The following TUBGCP2 variants were observed in gnomAD, a reference collection of about 807,000 sequenced individuals.
The protein encoded by TUBGCP2 is tubulin gamma complex component 2.
A neutral mutation model predicts 92.2 loss-of-function variants in TUBGCP2; 55 were observed. That is an observed-to-expected ratio of 0.60 (90% CI 0.48 to 0.75). TUBGCP2 has a LOEUF of 0.75. Among genes scored for constraint, TUBGCP2 ranks in the 30% least tolerant of loss-of-function variants. TUBGCP2 has a pLI of 0.00. For synonymous variants in TUBGCP2, 533 were observed against 505.2 expected, an observed-to-expected ratio of 1.06 and a Z score of -0.74; for missense variants, 1,093 against 1,188.9, an observed-to-expected ratio of 0.92 and a Z score of 1.19.
chr10:133,311,663 A>G (rs536073236), upstream of TUBGCP2: 3 of 1,475,532 alleles, frequency 2.0e-6, no homozygotes, highest in East Asian at 4.6e-5. Context: ...TCTGGGGAAC[A>G]CAGGGGCTGT....
chr10:133,285,342 G>A lies in TUBGCP2; in HGVS notation c.1895+114C>T, dbSNP rs774082371. 24 of 1,586,672 alleles carry A rather than the reference G, an allele frequency of 1.5e-5. No individual in the cohort carries two copies. In the African/African-American group the frequency reaches 2.4e-4, roughly 16 times the overall value. ...GTGAATCTCTCGGACACTGAAGGCC[G>A]GGGAGAGCCGCCTTGGGTCCTCTGT... On this transcript the variant is annotated intron_variant, in intron 12 of 17. Coordinates refer to ENST00000252936, the MANE Select transcript of TUBGCP2 (RefSeq NM_006659.4). The surrounding 1 kb of genome is among the most constrained non-coding windows in gnomAD (Gnocchi z 6.8).
At chr10:133,284,690 A>T (rs1209133918) in intron 13 of TUBGCP2, among the ~76,000 whole-genome samples, 1 of 151,354 alleles carries the variant, frequency 6.6e-6, no homozygotes, top group Non-Finnish European at 1.5e-5. Flanking sequence ...TCTGCCATCG[A>T]CCCCTTTTTT....
chr10:133,302,464 C>A (rs560511779), intron 2 of TUBGCP2: 13 of 346,540 alleles, frequency 3.8e-5, no homozygotes, highest in South Asian at 1.7e-4. Flanking sequence ...CTGCCCCCTG[C>A]ACCAGAGGTG....
chr10:133,310,446 A>T, upstream of TUBGCP2: 2 of 965,428 alleles, frequency 2.1e-6, no homozygotes, highest in Non-Finnish European at 3.0e-6. Context: ...ACACAGCTAC[A>T]GGTGGTTGTG....
At chr10:133,286,262 C>T (rs186127359) in intron 11 of TUBGCP2, among the ~76,000 whole-genome samples, 2 of 152,240 alleles carry the variant, frequency 1.3e-5, no homozygotes, top group East Asian at 1.9e-4. Context: ...CAGACAGCAG[C>T]GTCCTGAGAC....
chr10:133,309,259 GT>G (rs1250155310), upstream of TUBGCP2: 1 of 1,337,260 alleles, frequency 7.5e-7, no homozygotes, highest in Non-Finnish European at 1.0e-6. Flanking sequence ...GGAACGTGGA[GT>G]GGGCGGGGCC....
At position 133,285,127 on chromosome 10, in the gene TUBGCP2, C is replaced by T; in HGVS notation, c.1982G>A (p.Ser661Asn). Reference sequence around the variant, plus strand: ...CGAGTGCTGCTTGGCGGTTTTGTTGCTGATCCAGACGCTGCAGAGCTGCCG... The same window carrying T: ...CGAGTGCTGCTTGGCGGTTTTGTTGTTGATCCAGACGCTGCAGAGCTGCCG... Reference protein sequence around the residue: ...VERQLCSVWISNKTAKQHSLH... With the variant: ...VERQLCSVWINNKTAKQHSLH... Residue 661 changes from serine to asparagine, a missense_variant, in exon 13 of 18, where the codon AGC becomes AAC. Around this residue, in one of 3 missense-constraint regions of TUBGCP2, gnomAD observed 598 missense variants for 675.5 expected, o/e 0.89. Coordinates refer to ENST00000252936, the MANE Select transcript of TUBGCP2 (RefSeq NM_006659.4). This position sits in a 1 kb window ranked among gnomAD's most constrained non-coding sequence, Gnocchi z 6.8. 1 of 1,611,700 alleles carries T rather than the reference C, an allele frequency of 6.2e-7. No individual in the cohort carries two copies. The highest frequency in any genetic ancestry group is 8.5e-7 in the Non-Finnish European group (1 of 1,178,378).
At position 133,278,939 on chromosome 10, in the gene TUBGCP2, C is replaced by A. The variant is rs946037530; in HGVS notation, c.*827G>T. On this transcript the variant is annotated 3_prime_UTR_variant, in exon 18 of 18. Coordinates refer to ENST00000252936, the MANE Select transcript of TUBGCP2 (RefSeq NM_006659.4). ...AGGGGCAGCTTGGCCAGAATGTAAC[C>A]AGAGCAGACCAACCTGGCCGGGCAG... is the stretch of plus-strand genomic sequence containing the variant. 2.0e-5 allele frequency: 3 copies of A among 152,348 alleles called. No homozygotes were observed. Among genetic ancestry groups the A allele is most frequent in the Non-Finnish European group, 4.4e-5 (3 of 68,138 alleles). The allele number at this position is 152,348 out of a possible 1,614,324, so 9.4% of individuals were successfully genotyped here. A position where few individuals can be genotyped will look rare whatever the true frequency, so the allele number is the denominator to read the frequency against.
chr10:133,302,720 G>A, intron 2 of TUBGCP2, 72 bp downstream of exon 2: 2 of 1,585,354 alleles, frequency 1.3e-6, no homozygotes, highest in Non-Finnish European at 1.7e-6. Context: ...CCAGGGGTGG[G>A]CTCACCCTGC....
chr10:133,304,526 A>C (rs1484947923), intron 1 of TUBGCP2, among the ~76,000 whole-genome samples: 1 of 152,212 alleles, frequency 6.6e-6, no homozygotes. Flanking sequence ...GACCCAAAAA[A>C]GGTAAACAAC....
rs770866175 is a variant in TUBGCP2 at position 133,285,065 on chromosome 10, G to A, written c.2024+20C>T. On this transcript the variant is annotated intron_variant, in intron 13 of 17. Coordinates refer to ENST00000252936, the MANE Select transcript of TUBGCP2 (RefSeq NM_006659.4). The surrounding 1 kb of genome is among the most constrained non-coding windows in gnomAD (Gnocchi z 6.8). Reference sequence around the variant, plus strand: ...GAGCGCTGCTTCAGGAGGGCATGCGGGGGCAGAGGAAGAACGCACCACTGG... The same window carrying A: ...GAGCGCTGCTTCAGGAGGGCATGCGAGGGCAGAGGAAGAACGCACCACTGG... 2 of 1,587,946 alleles carry A rather than the reference G, an allele frequency of 1.3e-6. No homozygotes were observed. The highest frequency in any genetic ancestry group is 1.3e-5 in the African/African-American group (1 of 74,596).
chr10:133,310,019 G>A, upstream of TUBGCP2: 1 of 1,611,042 alleles, frequency 6.2e-7, no homozygotes, highest in Non-Finnish European at 8.5e-7. Flanking sequence ...CCCCCCATTG[G>A]TGATGGGCTC....
chr10:133,281,518 G>C, intron 16 of TUBGCP2, 82 bp from the exon 17 acceptor site: 1 of 1,512,892 alleles, frequency 6.6e-7, no homozygotes, highest in Non-Finnish European at 8.9e-7. Context: ...CAGCAGGCCG[G>C]TGTCCTTTCC....
At chr10:133,309,031 G>C (rs1230786431), upstream of TUBGCP2, 17 of 1,264,182 alleles carry the variant, frequency 1.3e-5, no homozygotes, top group East Asian at 3.1e-5. Flanking sequence ...TCCCGCGGCT[G>C]GGGCCGCGCC....
chr10:133,294,018 T>C (rs1847430465), intron 5 of TUBGCP2, among the ~76,000 whole-genome samples: 1 of 152,214 alleles, frequency 6.6e-6, no homozygotes. Flanking sequence ...GGCTCCGCAA[T>C]GCTCAGATAC....
chr10:133,283,360 G>T, intron 14 of TUBGCP2, 139 bp from the exon 15 acceptor site: 2 of 1,250,190 alleles, frequency 1.6e-6, no homozygotes, highest in Non-Finnish European at 2.2e-6. Flanking sequence ...GCTTTTAGGG[G>T]AAAACTTCCA....
rs756041776 is a variant in TUBGCP2, at chr10:133,293,720, C to T, written c.666G>A (p.Leu222=). The change falls in exon 6 of 18, where the codon CTG becomes CTA. Residue 222 remains leucine, a synonymous_variant. Transcript: ENST00000252936. Reference sequence around the variant, plus strand: ...TCCCGTCCACGCCCACCAGCACGTACAGCAGGTCCTCCACCACGGCCGACT... The same window carrying T: ...TCCCGTCCACGCCCACCAGCACGTATAGCAGGTCCTCCACCACGGCCGACT... ...SQESAVVEDL[L]YVLVGVDGRY... is the part of the protein sequence containing the mutation. 3.7e-6 allele frequency: 6 copies of T among 1,605,174 alleles called. No individual in the cohort carries two copies. In the Admixed American group the frequency reaches 5.1e-5, roughly 14 times the overall value.
chr10:133,290,255 G>T lies in TUBGCP2; in HGVS notation c.1215-286C>A. On this transcript the variant is annotated intron_variant, in intron 8 of 17. Transcript: ENST00000252936. ...CACGCCTGTAACCCCAGCACTTTGGGAGGCTGAGGTGGGCAGATCACGAAG... is the reference window on the plus strand; with the variant it reads ...CACGCCTGTAACCCCAGCACTTTGGTAGGCTGAGGTGGGCAGATCACGAAG... The T allele has an allele frequency of 1.1e-5, 4 of 348,688 alleles. No homozygotes were observed. The South Asian group carries it at 1.4e-4, about 13-fold the overall frequency. The allele number at this position is 348,688 out of a possible 1,614,324, so 21.6% of individuals were successfully genotyped here.
At position 133,283,079 on chromosome 10, in the gene TUBGCP2, T is replaced by G. The variant is rs1424070649; in HGVS notation, c.2288A>C (p.Gln763Pro). 2 of 1,613,966 alleles carry G rather than the reference T, an allele frequency of 1.2e-6. No homozygotes were observed. Residue 763 changes from glutamine (Q) to proline (P), a missense_variant and splice_region_variant, in exon 15 of 18, where the codon CAG becomes CCG. Transcript: ENST00000252936. Reference protein sequence around the residue: ...SVCVMFTNCMQKFTQSMKLDG... With the variant: ...SVCVMFTNCMPKFTQSMKLDG... ...ATGGTGCTACCCACACCCACGCACC[T>G]GCATGCAGTTGGTGAACATGACGCA... is the stretch of plus-strand genomic sequence containing the variant.
Sources: allele counts gnomAD v4.1 joint callset (sites outside exome capture counted in the v4.1 genomes callset), GRCh38; gene constraint gnomAD v4.1.1; regional missense constraint gnomAD v4.1.1; non-coding constraint Gnocchi (gnomAD v3.1); transcripts MANE v1.5; gene names NCBI Gene and HGNC (gene_info 2026-07-23, HGNC 2026-07-21).